NEO1: variants seen among roughly 807,000 people sequenced by gnomAD.
NEO1 encodes the protein neogenin 1.
A neutral mutation model predicts 159.7 loss-of-function variants in NEO1; 63 were observed. The ratio of observed to expected loss-of-function variants is 0.39; its 90% CI spans 0.32 to 0.49. NEO1 has a LOEUF of 0.49. Ranked by LOEUF, NEO1 falls within the 20% of genes least tolerant of loss-of-function variation. The probability of loss-of-function intolerance (pLI) is 0.85; values close to 1 mark genes in which losing one functional copy is unlikely to be tolerated. For synonymous variants in NEO1, 633 were observed against 662.0 expected (o/e 0.96, Z 0.67); for missense variants, 1,615 against 1,831.0 (o/e 0.88, Z 2.15).
intron 1 of NEO1, among the ~76,000 whole-genome samples, chr15:73,063,628 T>A (rs1284718215): frequency 9.0e-5 from 3 of 33,438 alleles, no homozygotes; most frequent in Non-Finnish European, 2.4e-4. Flanking sequence ...CAGCCTTTTT[T>A]GTTTGTTTGT....
chr15:73,265,676 T>C (rs1363917527), intron 15 of NEO1, among the ~76,000 whole-genome samples: 1 of 152,186 alleles, frequency 6.6e-6, no homozygotes, highest in Non-Finnish European at 1.5e-5. Flanking sequence ...ATTCCATTTG[T>C]TGTTAGTTCT....
chr15:73,244,981 A>AAAAAAAAAAAAAAAAAC (rs1426485832), intron 9 of NEO1, among the ~76,000 whole-genome samples: 11 of 148,112 alleles, frequency 7.4e-5, no homozygotes, highest in Non-Finnish European at 9.0e-5. Flanking sequence ...AAAAAAAAAA[A>AAAAAAAAAAAAAAAAAC]AACAACAGCA....
intron 8 of NEO1, among the ~76,000 whole-genome samples, chr15:73,237,230 C>T (rs2039229566): frequency 1.3e-5 from 2 of 152,200 alleles, no homozygotes; most frequent in African/African-American, 4.8e-5. Context: ...TCTCAAAGAT[C>T]TTTACCCACC....
intron 9 of NEO1, among the ~76,000 whole-genome samples, chr15:73,248,513 T>C (rs2039914222): frequency 2.0e-5 from 3 of 152,242 alleles, no homozygotes; most frequent in Non-Finnish European, 4.4e-5. Context: ...CCCCTTGGTA[T>C]CTGAGGAAAG....
chr15:73,082,529 G>A (rs1432266280), intron 1 of NEO1, among the ~76,000 whole-genome samples: 1 of 151,378 alleles, frequency 6.6e-6, no homozygotes, highest in African/African-American at 2.4e-5. Flanking sequence ...ACAGTAATAT[G>A]AAGTTCACAG....
chr15:73,163,248 ATTCT>A (rs1171271187), intron 5 of NEO1, among the ~76,000 whole-genome samples: 1 of 152,082 alleles, frequency 6.6e-6, no homozygotes, highest in Non-Finnish European at 1.5e-5. Context: ...TTTATATTTC[ATTCT>A]AATAGTTTTT....
chr15:73,240,108 C>A (rs1437569745), intron 8 of NEO1, among the ~76,000 whole-genome samples: 1 of 152,124 alleles, frequency 6.6e-6, no homozygotes, highest in African/African-American at 2.4e-5. Flanking sequence ...GGTTGAGAAA[C>A]CCTGGCATGG....
intron 7 of NEO1, among the ~76,000 whole-genome samples, chr15:73,215,592 T>C (rs1205210784): frequency 6.6e-6 from 1 of 152,232 alleles, no homozygotes; most frequent in African/African-American, 2.4e-5. Flanking sequence ...TTTAATTCAC[T>C]TGCGTATGTT....
chr15:73,203,628 T>C (rs2037039944), intron 7 of NEO1, among the ~76,000 whole-genome samples: 1 of 152,152 alleles, frequency 6.6e-6, no homozygotes, highest in African/African-American at 2.4e-5. Flanking sequence ...ATTATACTTA[T>C]TTTAAAAATT....
rs1441767447 is a variant in NEO1 at position 73,188,345 on chromosome 15, AAAATT to A, written c.1291+9924_1291+9928del. On this transcript the variant is annotated intron_variant, in intron 7 of 28. Transcript: ENST00000261908. ...GTCTAAATGTGTATATACACTTTTT[AAAATT>A]AAATTCAGATTATTTGGTATATATT... 2.6e-5 allele frequency among the ~76,000 whole-genome samples: 4 copies of A among 152,326 alleles called. No homozygotes were observed. The South Asian group carries it at 8.3e-4, about 32-fold the overall frequency.
chr15:73,074,710 T>A (rs1455149742), intron 1 of NEO1, among the ~76,000 whole-genome samples: 2 of 152,176 alleles, frequency 1.3e-5, no homozygotes, highest in Non-Finnish European at 2.9e-5. Context: ...GTGTGCCCAC[T>A]TTTCACATCC....
At chr15:73,289,966 AT>A (rs957991803) in intron 25 of NEO1, among the ~76,000 whole-genome samples, 18 of 151,914 alleles carry the variant, frequency 1.2e-4, no homozygotes, top group Non-Finnish European at 1.0e-4. Context: ...AATAAAAAAA[AT>A]AAAGCCAGGC....
At chr15:73,256,565 T>C (rs1341657076) in intron 13 of NEO1, among the ~76,000 whole-genome samples, 1 of 152,208 alleles carries the variant, frequency 6.6e-6, no homozygotes, top group African/African-American at 2.4e-5. Context: ...GAGCCATTGA[T>C]AGTGAAAAAC....
Position 73,052,492 on chromosome 15 carries a change from C to T in NEO1, c.-184C>T, listed in dbSNP as rs1421258479. Reference sequence around the variant, plus strand: ...TCCCCGCCCCCTTGCAGGAGGGAGGCGCCCTGGAGTCTCCCCTCCAGCGAG... The same window carrying T: ...TCCCCGCCCCCTTGCAGGAGGGAGGTGCCCTGGAGTCTCCCCTCCAGCGAG... On this transcript the variant is annotated 5_prime_UTR_variant, in exon 1 of 29. Transcript: ENST00000261908. 5 of 152,368 alleles carry T rather than the reference C, an allele frequency of 3.3e-5. No homozygotes were observed. The highest frequency in any genetic ancestry group is 6.3e-5 in the Non-Finnish European group (5 of 78,978). 9.4% of individuals were successfully genotyped at this position (152,368 alleles called of 1,614,324 possible). A position where few individuals can be genotyped will look rare whatever the true frequency, so the allele number is the denominator to read the frequency against.
At chr15:73,206,958 A>G (rs1009079682) in intron 7 of NEO1, among the ~76,000 whole-genome samples, 1 of 152,138 alleles carries the variant, frequency 6.6e-6, no homozygotes, top group African/African-American at 2.4e-5. Context: ...GGCTCAAGCA[A>G]CAATCCCCCC....
intron 1 of NEO1, among the ~76,000 whole-genome samples, chr15:73,079,395 A>C (rs2068932748): frequency 6.6e-6 from 1 of 152,150 alleles, no homozygotes; most frequent in South Asian, 2.1e-4. Flanking sequence ...TTTAAAATAT[A>C]TTTTTACTGC....
chr15:73,128,427 TTATA>T (rs2030621275), intron 4 of NEO1, among the ~76,000 whole-genome samples: 1 of 152,076 alleles, frequency 6.6e-6, no homozygotes, highest in African/African-American at 2.4e-5. Context: ...GATATAAAAC[TTATA>T]TATAATGATT....
intron 5 of NEO1, among the ~76,000 whole-genome samples, chr15:73,172,442 A>G (rs1166604520): frequency 6.6e-6 from 1 of 152,254 alleles, no homozygotes; most frequent in Non-Finnish European, 1.5e-5. Flanking sequence ...CATCAAAGAT[A>G]TACGTTAAAG....
At chr15:73,184,126 A>G (rs972899573) in intron 7 of NEO1, among the ~76,000 whole-genome samples, 1 of 152,082 alleles carries the variant, frequency 6.6e-6, no homozygotes, top group African/African-American at 2.4e-5. Flanking sequence ...TTCAAATTTC[A>G]TTCTTTATAT....
Sources: gnomAD v4.1 joint callset for allele counts (sites outside exome capture counted in the v4.1 genomes callset) on GRCh38, gnomAD v4.1.1 for gene constraint, MANE v1.5 for transcripts, NCBI Gene and HGNC (gene_info 2026-07-23, HGNC 2026-07-21) for gene names.